KCTD19: variants seen among roughly 807,000 people sequenced by gnomAD.
KCTD19 encodes the protein potassium channel tetramerization domain containing 19.
A neutral mutation model predicts 103.5 loss-of-function variants in KCTD19; 67 were observed. The observed-to-expected ratio is 0.65, with a 90% CI of 0.53 to 0.79. The LOEUF is 0.79. KCTD19 is among the 30% of genes least tolerant of loss of function. The pLI is 0.00. For missense variants in KCTD19, 980 were observed against 1,136.1 expected (o/e 0.86, Z 1.98); for synonymous variants, 439 against 452.2 (o/e 0.97, Z 0.37).
chr16:67,292,288 C>G (rs1472681194), intron 12 of KCTD19, among the ~76,000 whole-genome samples: 1 of 152,226 alleles, frequency 6.6e-6, no homozygotes, highest in African/African-American at 2.4e-5. Flanking sequence ...GTCACCCCAG[C>G]CTTGCAACAG....
At chr16:67,321,362 C>A (rs1270653746) in intron 1 of KCTD19, among the ~76,000 whole-genome samples, 1 of 151,966 alleles carries the variant, frequency 6.6e-6, no homozygotes, top group Admixed American at 6.6e-5. Flanking sequence ...ATAAATTTAA[C>A]AAAAGAATGA....
chr16:67,307,588 T>G (rs1445454988), intron 2 of KCTD19, among the ~76,000 whole-genome samples: 1 of 152,118 alleles, frequency 6.6e-6, no homozygotes, highest in Admixed American at 6.5e-5. Flanking sequence ...AGTACTGGGA[T>G]TGCAGGCATG....
chr16:67,325,470 C>T (rs751312360), intron 1 of KCTD19, among the ~76,000 whole-genome samples: 3 of 151,698 alleles, frequency 2.0e-5, no homozygotes, highest in Non-Finnish European at 2.9e-5. Flanking sequence ...TCTCGATCTC[C>T]TGACCTCGTG....
intron 8 of KCTD19, chr16:67,295,634 AT>A (rs2036756411): frequency 6.8e-6 from 3 of 438,168 alleles, no homozygotes; most frequent in Non-Finnish European, 8.2e-6. Context: ...CTCTCAAGGC[AT>A]TTGGAAGCCC....
rs200200525 is a variant in KCTD19 at position 67,289,645 on chromosome 16, A to G, written c.2705T>C (p.Met902Thr). 12 of 1,614,002 alleles carry G rather than the reference A, an allele frequency of 7.4e-6. No individual in the cohort carries two copies. Among genetic ancestry groups the G allele is most frequent in the Non-Finnish European group, 1.0e-5 (12 of 1,180,004 alleles). The change falls in exon 16 of 16, where the codon ATG becomes ACG. Residue 902 changes from methionine (M) to threonine (T), a missense_variant. Met to Thr is a moderately conservative substitution (Grantham distance 81, BLOSUM62 -1). Transcript: ENST00000304372. Reference protein sequence around the residue: ...LPFARKYGRCMDLLIQRGLSR... With the variant: ...LPFARKYGRCTDLLIQRGLSR... ...CAGGCCCCTCTGGATGAGCAGGTCC[A>G]TGCATCGGCCATATTTCCTGGCGAA...
At chr16:67,326,606 G>C in intron 1 of KCTD19, 99 bp downstream of exon 1, 2 of 1,500,056 alleles carry the variant, frequency 1.3e-6, no homozygotes, top group Admixed American at 4.1e-5. Flanking sequence ...CCATGCCCCA[G>C]AGCCAGGTCT....
At position 67,295,230 on chromosome 16, in the gene KCTD19, G is replaced by A. The variant is rs1014660268; in HGVS notation, c.1391+33C>T. On this transcript the variant is annotated intron_variant, in intron 9 of 15. Transcript: ENST00000304372. ...TGCTAAGGGAGGGGTCAGCCTTCGT[G>A]ATTTCATCTTACTGCGTCCTTGCTT... 3 of 1,610,360 alleles carry A rather than the reference G, an allele frequency of 1.9e-6. No individual in the cohort carries two copies. The Admixed American group carries it at 5.0e-5, about 27-fold the overall frequency.
At chr16:67,291,178 C>T (rs1007833934) in intron 14 of KCTD19, 131 bp downstream of exon 14, 176 of 1,247,668 alleles carry the variant, frequency 1.4e-4, no homozygotes, top group Non-Finnish European at 1.9e-4. Flanking sequence ...TCCCACCACT[C>T]TTCTGGCCCT....
chr16:67,301,804 G>A lies in KCTD19; in HGVS notation c.762C>T (p.Tyr254=), dbSNP rs1426709374. The change falls in exon 5 of 16, where the codon TAC becomes TAT. Residue 254 remains tyrosine, a synonymous_variant. Transcript: ENST00000304372. ...IPALTEAVRW[Y]RMNMGGCSPT... ...CTGGCGACATACCCATGTTCATCCG[G>A]TACCACCTTACGGCTTCAGTGAGTG... 1 of 1,614,052 alleles carries A rather than the reference G, an allele frequency of 6.2e-7. No homozygotes were observed. Among genetic ancestry groups the A allele is most frequent in the Non-Finnish European group, 8.5e-7 (1 of 1,179,958 alleles).
chr16:67,291,872 T>A (rs943558634), intron 12 of KCTD19, 35 bp from the exon 13 acceptor site: 20 of 1,470,558 alleles, frequency 1.4e-5, no homozygotes, highest in Middle Eastern at 3.9e-4. Flanking sequence ...GCTCTCCTTT[T>A]AAAAAAAAAT....
intron 2 of KCTD19, among the ~76,000 whole-genome samples, chr16:67,314,670 G>A (rs1228788115): frequency 1.3e-5 from 2 of 150,590 alleles, no homozygotes. Flanking sequence ...CACCCACCTC[G>A]GCCTCCCAAA....
intron 2 of KCTD19, among the ~76,000 whole-genome samples, chr16:67,318,557 C>CA (rs764640736): frequency 0.04 from 2,364 of 58,734 alleles, 33 homozygotes; most frequent in South Asian, 0.083. Context: ...GACTCTATCT[C>CA]AAAAAAAAAA....
Position 67,293,862 on chromosome 16 carries a change from T to C in KCTD19, c.1900A>G (p.Lys634Glu). 6.2e-7 allele frequency: 1 copy of C among 1,614,114 alleles called. No homozygotes were observed. The highest frequency in any genetic ancestry group is 8.5e-7 in the Non-Finnish European group (1 of 1,180,024). The change falls in exon 12 of 16, where the codon AAA becomes GAA. Residue 634 changes from lysine to glutamate, a missense_variant. Coordinates refer to ENST00000304372, the MANE Select transcript of KCTD19 (RefSeq NM_001100915.3). The surrounding 1 kb of genome is among the most constrained non-coding windows in gnomAD (Gnocchi z 4.0). ...CATTCTCTCACCAGGGAGATGAGTT[T>C]TTGCATGGGAGTGGCGGGAGGGTCT... The part of the protein sequence containing the change: ...TKDPPATPMQ[K>E]LISLVREWDM...
chr16:67,306,181 G>A (rs1369007894), intron 2 of KCTD19, among the ~76,000 whole-genome samples: 2 of 152,202 alleles, frequency 1.3e-5, no homozygotes, highest in African/African-American at 4.8e-5. Flanking sequence ...AGAAAGATAT[G>A]AAAGACCACA....
At chr16:67,314,002 A>C (rs1380781681) in intron 2 of KCTD19, among the ~76,000 whole-genome samples, 2 of 152,016 alleles carry the variant, frequency 1.3e-5, no homozygotes, top group Non-Finnish European at 1.5e-5. Context: ...GACTACAGGC[A>C]CATGCTACCA....
chr16:67,302,153 G>T, intron 4 of KCTD19: 1 of 419,262 alleles, frequency 2.4e-6, no homozygotes, highest in Non-Finnish European at 4.4e-6. Flanking sequence ...GCCTCCCGTG[G>T]CTTGGCCTGG....
rs143528469 is a variant in KCTD19 at position 67,303,832 on chromosome 16, C to T, written c.452-495G>A. On this transcript the variant is annotated intron_variant, in intron 3 of 15. Transcript: ENST00000304372. The surrounding 1 kb of genome is among the most constrained non-coding windows in gnomAD (Gnocchi z 4.3). ...AAAATGCTGGGATTACAGGCATGAG[C>T]CACCGTGCCCAGCTGGAAATCTATA... Among the ~76,000 whole-genome samples, 3,127 of 152,340 alleles carry T rather than the reference C, an allele frequency of 0.021. 55 individuals are homozygous for T. The highest frequency in any genetic ancestry group is 0.034 in the Non-Finnish European group (2,292 of 68,026).
At position 67,300,394 on chromosome 16, in the gene KCTD19, T is replaced by C. The variant is rs1360308357; in HGVS notation, c.776-821A>G. 1 of 152,254 alleles carries C rather than the reference T, an allele frequency of 6.6e-6. No homozygotes were observed. The highest frequency in any genetic ancestry group is 1.5e-5 in the Non-Finnish European group (1 of 68,060). 9.4% of individuals were successfully genotyped at this position (152,254 alleles called of 1,614,324 possible). A position where few individuals can be genotyped will look rare whatever the true frequency, so the allele number is the denominator to read the frequency against. ...CAGCTGTTTCCCTTATTGTGATGCT[T>C]TGTAGAAAGCTAAAGCCACCCTTTG... On this transcript the variant is annotated intron_variant, in intron 5 of 15. Transcript: ENST00000304372. This position sits in a 1 kb window ranked among gnomAD's most constrained non-coding sequence, Gnocchi z 4.5.
chr16:67,319,578 T>G (rs1178924377), intron 2 of KCTD19, among the ~76,000 whole-genome samples: 2 of 152,074 alleles, frequency 1.3e-5, no homozygotes, highest in Non-Finnish European at 2.9e-5. Context: ...AATAAACTAC[T>G]TAAGATCAGC....
Sources: allele counts gnomAD v4.1 joint callset (sites outside exome capture counted in the v4.1 genomes callset), GRCh38; gene constraint gnomAD v4.1.1; non-coding constraint Gnocchi (gnomAD v3.1); transcripts MANE v1.5; gene names NCBI Gene and HGNC (gene_info 2026-07-23, HGNC 2026-07-21).